The following PHLPP2 variants were observed in gnomAD, a reference collection of about 807,000 sequenced individuals.
PHLPP2 encodes the protein PH domain leucine-rich repeat-containing protein phosphatase 2.
A neutral mutation model predicts 124.9 loss-of-function variants in PHLPP2; 66 were observed. The observed-to-expected ratio is 0.53, with a 90% CI of 0.43 to 0.65. The LOEUF (loss-of-function observed/expected upper bound fraction) is 0.65, where lower values mean the gene tolerates loss of function less well. Ranked by LOEUF, PHLPP2 falls within the 30% of genes least tolerant of loss-of-function variation. The pLI, the probability that PHLPP2 is intolerant of heterozygous loss-of-function variation, is 0.00. For synonymous variants in PHLPP2, 681 were observed against 624.7 expected, an observed-to-expected ratio of 1.09 and a Z score of -1.34; for missense variants, 1,685 against 1,600.4, an observed-to-expected ratio of 1.05 and a Z score of -0.90.
intron 17 of PHLPP2, 111 bp from the exon 18 acceptor site, chr16:71,653,132 G>A (rs1004344655): frequency 4.5e-6 from 3 of 664,036 alleles, no homozygotes; most frequent in African/African-American, 2.0e-5. Context: ...CCATGTGATC[G>A]TGAACCAGCC....
chr16:71,653,840 G>A (rs960488229), intron 17 of PHLPP2, among the ~76,000 whole-genome samples: 5 of 152,074 alleles, frequency 3.3e-5, no homozygotes, highest in Non-Finnish European at 7.4e-5. Context: ...TTTGTGTTAT[G>A]ACAGATAAAA....
chr16:71,712,488 C>T (rs767650428), intron 2 of PHLPP2, among the ~76,000 whole-genome samples: 1 of 152,144 alleles, frequency 6.6e-6, no homozygotes, highest in Non-Finnish European at 1.5e-5. Flanking sequence ...ATAAACATTA[C>T]TATACAAATG....
At chr16:71,723,734 C>G (rs2045414045) in intron 1 of PHLPP2, 1 of 1,029,748 alleles carries the variant, frequency 9.7e-7, no homozygotes, top group Non-Finnish European at 1.3e-6. Context: ...CCCGCTCGCC[C>G]GCTCGCTCGC....
intron 3 of PHLPP2, chr16:71,698,668 A>C (rs1220771682): frequency 1.9e-6 from 1 of 532,990 alleles, no homozygotes; most frequent in African/African-American, 1.9e-5. Context: ...GGCCTCCCTG[A>C]GGAAAGGAAC....
intron 6 of PHLPP2, among the ~76,000 whole-genome samples, 168 bp downstream of exon 6, chr16:71,681,583 G>C (rs1274978878): frequency 6.6e-6 from 1 of 152,118 alleles, no homozygotes; most frequent in Non-Finnish European, 1.5e-5. Context: ...TCTGTTTTAT[G>C]GGGGGAAAGG....
chr16:71,665,974 A>C (rs564550554), intron 12 of PHLPP2: 3 of 152,328 alleles, frequency 2.0e-5, no homozygotes, highest in African/African-American at 7.2e-5. Context: ...TGGGCTAAAC[A>C]GTTTTTTACG....
chr16:71,690,702 T>C lies in PHLPP2; in HGVS notation c.426A>G (p.Pro142=). Residue 142 remains proline, a synonymous_variant, in exon 4 of 19, where the codon CCA becomes CCG. Transcript: ENST00000568954. The part of the protein sequence containing the change: ...GCMIRFYGEK[P]CHMDRLDRIL... ...TTCGATCCAAACGATCCATGTGGCATGGTTTTTCTGAAAAGGAAATAATAC... is the reference window on the plus strand; with the variant it reads ...TTCGATCCAAACGATCCATGTGGCACGGTTTTTCTGAAAAGGAAATAATAC... The C allele has an allele frequency of 1.2e-6, 2 of 1,607,786 alleles. No individual in the cohort carries two copies. The highest frequency in any genetic ancestry group is 1.1e-5 in the South Asian group (1 of 89,864).
At chr16:71,673,236 G>A (rs1232231541) in intron 9 of PHLPP2, among the ~76,000 whole-genome samples, 1 of 152,178 alleles carries the variant, frequency 6.6e-6, no homozygotes, top group Non-Finnish European at 1.5e-5. Context: ...AAGAGGCACT[G>A]CTGGGTACAG....
chr16:71,668,634 C>T (rs1431629938), intron 11 of PHLPP2, among the ~76,000 whole-genome samples: 2 of 151,776 alleles, frequency 1.3e-5, no homozygotes, highest in African/African-American at 2.4e-5. Flanking sequence ...TGGTGGTGTG[C>T]ACCCATAGTC....
intron 2 of PHLPP2, among the ~76,000 whole-genome samples, chr16:71,705,127 G>A (rs1179688949): frequency 1.3e-5 from 2 of 152,130 alleles, no homozygotes; most frequent in East Asian, 1.9e-4. Context: ...AGAGAGACCT[G>A]GAGAGCCATC....
At chr16:71,658,401 CAG>C (rs751844695) in intron 14 of PHLPP2, 38 bp from the exon 15 acceptor site, 15 of 1,589,236 alleles carry the variant, frequency 9.4e-6, no homozygotes, top group Non-Finnish European at 1.3e-5. Context: ...AAATACATCA[CAG>C]AGACTTAGTT....
chr16:71,662,152 C>T (rs1430425684), intron 13 of PHLPP2, among the ~76,000 whole-genome samples: 1 of 151,344 alleles, frequency 6.6e-6, no homozygotes, highest in Non-Finnish European at 1.5e-5. Flanking sequence ...CGGGTGCGGG[C>T]CGGGCGCAGT....
Position 71,676,506 on chromosome 16 carries a change from T to C in PHLPP2, c.1412A>G (p.Gln471Arg). Residue 471 changes from glutamine to arginine, a missense_variant, in exon 9 of 19, where the codon CAG becomes CGG. By Grantham distance (43) the Gln-to-Arg change is conservative. Coordinates refer to ENST00000568954, the MANE Select transcript of PHLPP2 (RefSeq NM_015020.3). ...GCCACTGAGTGTTAGCTCCCTCAGC[T>C]GATTCCGCCCACAGTGCAGCTGTTC... The part of the protein sequence containing the change: ...SLEQLHCGRN[Q>R]LRELTLSGFS... 6.2e-7 allele frequency: 1 copy of C among 1,614,248 alleles called. No individual in the cohort carries two copies. Among genetic ancestry groups the C allele is most frequent in the Non-Finnish European group, 8.5e-7 (1 of 1,180,036 alleles).
At chr16:71,660,421 ATTTTT>A (rs34944080) in intron 13 of PHLPP2, among the ~76,000 whole-genome samples, 1 of 72,624 alleles carries the variant, frequency 1.4e-5, no homozygotes. Flanking sequence ...TATACACTGT[ATTTTT>A]TTTTTTTTTT....
chr16:71,655,554 G>A (rs1411301935), intron 16 of PHLPP2, 120 bp from the exon 17 acceptor site: 2 of 676,680 alleles, frequency 3.0e-6, no homozygotes, highest in Non-Finnish European at 4.9e-6. Context: ...CCAGGCTGGA[G>A]TGCAGTGGCA....
intron 1 of PHLPP2, chr16:71,723,751 G>C (rs777912972): frequency 1.6e-6 from 2 of 1,245,746 alleles, no homozygotes; most frequent in Non-Finnish European, 2.1e-6. Flanking sequence ...TCGCTCGCTG[G>C]TCCATCCGCC....
chr16:71,657,438 A>G (rs2145310734), intron 15 of PHLPP2, among the ~76,000 whole-genome samples: 1 of 149,734 alleles, frequency 6.7e-6, no homozygotes, highest in South Asian at 2.1e-4. Flanking sequence ...TGTGTCGCCC[A>G]GGCTGGAGTG....
At chr16:71,669,211 A>G in intron 11 of PHLPP2, 64 bp downstream of exon 11, 1 of 1,177,660 alleles carries the variant, frequency 8.5e-7, no homozygotes, top group Non-Finnish European at 1.2e-6. Context: ...TCTAGAAAAA[A>G]ATTTAAATAC....
At chr16:71,668,289 G>A (rs968788672) in intron 11 of PHLPP2, among the ~76,000 whole-genome samples, 17 of 151,820 alleles carry the variant, frequency 1.1e-4, no homozygotes, top group African/African-American at 3.9e-4. Context: ...GGCAGCATGT[G>A]CCTGTAGTCC....
Sources: gnomAD v4.1 joint callset for allele counts (sites outside exome capture counted in the v4.1 genomes callset) on GRCh38, gnomAD v4.1.1 for gene constraint, MANE v1.5 for transcripts, NCBI Gene and HGNC (gene_info 2026-07-23, HGNC 2026-07-21) for gene names.